ARPP21: variants seen among roughly 807,000 people sequenced by gnomAD.
ARPP21 encodes cAMP-regulated phosphoprotein 21.
ARPP21 carries 69 observed loss-of-function variants against 113.2 expected under a neutral mutation model. That is an observed-to-expected ratio of 0.61 (90% CI 0.50 to 0.74). ARPP21 has a LOEUF of 0.74. ARPP21 is among the 30% of genes least tolerant of loss of function. The pLI is 0.00. For missense variants in ARPP21, 1,070 were observed against 1,037.4 expected (o/e 1.03, Z -0.43); for synonymous variants, 368 against 375.5 (o/e 0.98, Z 0.23).
At chr3:35,696,248 T>G (rs2083978534) in intron 9 of ARPP21, among the ~76,000 whole-genome samples, 1 of 151,566 alleles carries the variant, frequency 6.6e-6, no homozygotes, top group African/African-American at 2.4e-5. Flanking sequence ...GCTGGAACAT[T>G]TATGAAAAGT....
intron 11 of ARPP21, among the ~76,000 whole-genome samples, chr3:35,712,326 A>G (rs2091359463): frequency 6.6e-6 from 1 of 152,176 alleles, no homozygotes; most frequent in Non-Finnish European, 1.5e-5. Context: ...CTTGGCAATT[A>G]TTATTTAAGC....
At chr3:35,733,359 G>T (rs1365910564) in intron 15 of ARPP21, among the ~76,000 whole-genome samples, 2 of 152,158 alleles carry the variant, frequency 1.3e-5, no homozygotes, top group African/African-American at 4.8e-5. Context: ...GGAGAGAAAT[G>T]AGCATTCTGC....
intron 1 of ARPP21, chr3:35,678,760 A>C (rs1260015085): frequency 6.6e-6 from 1 of 151,936 alleles, no homozygotes; most frequent in Non-Finnish European, 1.5e-5. Flanking sequence ...TAAACTTGGG[A>C]GAAGAGGGTA....
chr3:35,642,064 T>C (rs1310348713), intron 1 of ARPP21: 1 of 152,204 alleles, frequency 6.6e-6, no homozygotes, highest in Non-Finnish European at 1.5e-5. Context: ...AATAAACTTA[T>C]ACAGCTAAAG....
At chr3:35,793,067 G>T (rs936442838) in intron 20 of ARPP21, among the ~76,000 whole-genome samples, 4 of 152,176 alleles carry the variant, frequency 2.6e-5, no homozygotes, top group African/African-American at 9.7e-5. Flanking sequence ...TACCCCAGAA[G>T]TAGAAATAAA....
intron 1 of ARPP21, among the ~76,000 whole-genome samples, chr3:35,643,116 G>A (rs1698773469): frequency 7.1e-6 from 1 of 140,018 alleles, no homozygotes. Flanking sequence ...CAATCAGAAA[G>A]GTCTTGTGTT....
chr3:35,731,828 G>T (rs2093995391), intron 15 of ARPP21, among the ~76,000 whole-genome samples: 1 of 152,130 alleles, frequency 6.6e-6, no homozygotes, highest in African/African-American at 2.4e-5. Flanking sequence ...GTACACAACA[G>T]AAATACTTGG....
At chr3:35,738,504 C>T (rs1237379441) in intron 17 of ARPP21, among the ~76,000 whole-genome samples, 186 bp downstream of exon 17, 1 of 152,186 alleles carries the variant, frequency 6.6e-6, no homozygotes, top group Non-Finnish European at 1.5e-5. Flanking sequence ...TCCTTTCTGT[C>T]ATCTGTCTGT....
At chr3:35,701,715 A>G (rs528009723) in intron 9 of ARPP21, among the ~76,000 whole-genome samples, 2 of 151,626 alleles carry the variant, frequency 1.3e-5, no homozygotes, top group East Asian at 3.9e-4. Context: ...GGATGTTTAT[A>G]TAGATAGATA....
chr3:35,687,800 A>C lies in ARPP21; in HGVS notation c.323A>C (p.Lys108Thr). 1 of 1,606,810 alleles carries C rather than the reference A, an allele frequency of 6.2e-7. No homozygotes were observed. Among genetic ancestry groups the C allele is most frequent in the South Asian group, 1.1e-5 (1 of 89,902 alleles). Residue 108 changes from lysine to threonine, a missense_variant, in exon 6 of 21, where the codon AAA becomes ACA. Lys to Thr is a moderately conservative substitution (Grantham distance 78). Coordinates refer to ENST00000684406, the MANE Select transcript of ARPP21 (RefSeq NM_001385562.1). ...SSLQEEDKSR[K>T]DDSEREKEKD... is the part of the protein sequence containing the mutation. ...CTGCAAGAGGAGGATAAATCTAGGA[A>C]AGATGACTCTGAAAGAGAAAAAGAA...
intron 6 of ARPP21, among the ~76,000 whole-genome samples, chr3:35,688,888 T>C (rs2081404640): frequency 6.6e-6 from 1 of 151,360 alleles, no homozygotes; most frequent in African/African-American, 2.4e-5. Context: ...TCATTTTTTT[T>C]TTTTTGCCTT....
At chr3:35,647,057 A>C (rs1009309848) in intron 1 of ARPP21, among the ~76,000 whole-genome samples, 7 of 152,216 alleles carry the variant, frequency 4.6e-5, no homozygotes, top group Non-Finnish European at 8.8e-5. Context: ...ATCATGTTGC[A>C]TACACATGCT....
At chr3:35,716,842 C>T (rs962558472) in intron 12 of ARPP21, among the ~76,000 whole-genome samples, 1 of 151,946 alleles carries the variant, frequency 6.6e-6, no homozygotes, top group African/African-American at 2.4e-5. Flanking sequence ...ATTGCCTTCT[C>T]TTTAGGTTAA....
intron 11 of ARPP21, among the ~76,000 whole-genome samples, chr3:35,714,091 T>C (rs1037877307): frequency 2.6e-5 from 4 of 152,242 alleles, no homozygotes; most frequent in Admixed American, 1.3e-4. Context: ...CCCTTTCATA[T>C]ATAAATGTCA....
At chr3:35,728,684 C>A (rs1055042844) in intron 14 of ARPP21, among the ~76,000 whole-genome samples, 2 of 152,110 alleles carry the variant, frequency 1.3e-5, no homozygotes, top group African/African-American at 2.4e-5. Context: ...TCTGCTAAAC[C>A]ATGCCACTCC....
chr3:35,706,873 C>A, intron 9 of ARPP21, 101 bp from the exon 10 acceptor site: 1 of 847,844 alleles, frequency 1.2e-6, no homozygotes. Context: ...CACTTGTAAA[C>A]TTTTAAGTTA....
chr3:35,748,886 T>C (rs2095294054), intron 19 of ARPP21, among the ~76,000 whole-genome samples: 1 of 152,234 alleles, frequency 6.6e-6, no homozygotes, highest in African/African-American at 2.4e-5. Flanking sequence ...AATACACCGT[T>C]CCTTCTTTAC....
At chr3:35,673,557 G>C (rs954422912) in intron 1 of ARPP21, among the ~76,000 whole-genome samples, 2 of 151,860 alleles carry the variant, frequency 1.3e-5, no homozygotes, top group African/African-American at 4.8e-5. Context: ...ACAAAGTATT[G>C]ACATAAAACA....
chr3:35,721,957 T>C, intron 14 of ARPP21, 123 bp downstream of exon 14: 1 of 654,944 alleles, frequency 1.5e-6, no homozygotes, highest in Non-Finnish European at 2.6e-6. Flanking sequence ...CAGGGATAGC[T>C]GGAAATCAGA....
Sources: allele counts gnomAD v4.1 joint callset (sites outside exome capture counted in the v4.1 genomes callset), GRCh38; gene constraint gnomAD v4.1.1; transcripts MANE v1.5; gene names NCBI Gene and HGNC (gene_info 2026-07-23, HGNC 2026-07-21).